VDAC1: variants seen among roughly 807,000 people sequenced by gnomAD.
VDAC1 encodes non-selective voltage-gated ion channel VDAC1.
Under a neutral mutation model 34.7 loss-of-function variants are expected in VDAC1, and 10 were observed. The ratio of observed to expected loss-of-function variants is 0.29; its 90% confidence interval spans 0.18 to 0.49. The LOEUF (loss-of-function observed/expected upper bound fraction) is 0.49. Among genes scored for constraint, VDAC1 ranks in the 20% least tolerant of loss-of-function variants. VDAC1 has a pLI of 0.99. For synonymous variants in VDAC1, 130 were observed against 136.0 expected, an observed-to-expected ratio of 0.96 and a Z score of 0.30; for missense variants, 230 against 347.9, an observed-to-expected ratio of 0.66 and a Z score of 2.69.
chr5:134,065,507 A>AT, the VDAC1 span, among the ~76,000 whole-genome samples: 1 of 151,354 alleles, frequency 6.6e-6, no homozygotes, highest in Non-Finnish European at 1.5e-5. Context: ...CACCCAGCCA[A>AT]TTTTTGTATT....
the VDAC1 span, among the ~76,000 whole-genome samples, chr5:134,039,551 G>T: frequency 4.6e-5 from 7 of 151,924 alleles, no homozygotes; most frequent in African/African-American, 1.7e-4. Flanking sequence ...GGATGGTCTC[G>T]ATCTGCTGAC....
intron 6 of VDAC1, among the ~76,000 whole-genome samples, chr5:133,977,318 A>G (rs1003808200): frequency 4.6e-5 from 7 of 152,222 alleles, no homozygotes; most frequent in Admixed American, 3.9e-4. Context: ...GCCTGGCAGG[A>G]TTTGAAAGGG....
intron 5 of VDAC1, among the ~76,000 whole-genome samples, chr5:133,986,895 T>C (rs1422263931): frequency 1.3e-5 from 2 of 152,164 alleles, no homozygotes; most frequent in East Asian, 1.9e-4. Context: ...CTGGGACAAC[T>C]TGAGCGACAA....
the VDAC1 span, among the ~76,000 whole-genome samples, chr5:134,064,006 T>G: frequency 2.7e-5 from 4 of 148,100 alleles, no homozygotes; most frequent in East Asian, 5.9e-4. Context: ...TTTTTTTTTT[T>G]TTTTTTTTTT....
chr5:134,016,084 T>TGGCCTCCAACTTTTAAAGGA, the VDAC1 span, among the ~76,000 whole-genome samples: 5 of 152,216 alleles, frequency 3.3e-5, no homozygotes, highest in Non-Finnish European at 4.4e-5. Context: ...CCCCCACACC[T>TGGCCTCCAACTTTTAAAGGA]GGCCTCCAAC....
the VDAC1 span, among the ~76,000 whole-genome samples, chr5:134,055,588 GTTTTTTTT>G: frequency 0.47 from 27,291 of 58,474 alleles, 5,007 homozygotes; most frequent in Admixed American, 0.52. Context: ...CCCCGCTAAT[GTTTTTTTT>G]TTTTTTTTTT....
chr5:134,024,520 C>A, the VDAC1 span, among the ~76,000 whole-genome samples: 1 of 147,700 alleles, frequency 6.8e-6, no homozygotes, highest in African/African-American at 2.5e-5. Context: ...GAGAGTGAGA[C>A]CCTGTCTCAA....
At chr5:133,981,014 G>A in intron 5 of VDAC1, 58 bp from the exon 6 acceptor site, 2 of 1,374,958 alleles carry the variant, frequency 1.5e-6, no homozygotes, top group Admixed American at 2.1e-5. Flanking sequence ...AATGCAAGTT[G>A]TCTTTTTTTT....
At chr5:134,082,233 C>T in the VDAC1 span, among the ~76,000 whole-genome samples, 2 of 152,188 alleles carry the variant, frequency 1.3e-5, no homozygotes, top group Non-Finnish European at 2.9e-5. Context: ...TTCCTTCCAC[C>T]CCAATCCTCA....
chr5:133,991,304 A>C, intron 3 of VDAC1, 150 bp from the exon 4 acceptor site: 1 of 996,128 alleles, frequency 1.0e-6, no homozygotes, highest in Non-Finnish European at 1.5e-6. Context: ...TAGATATTTA[A>C]AGTACAGATG....
At chr5:134,105,204 C>T in the VDAC1 span, among the ~76,000 whole-genome samples, 1 of 152,194 alleles carries the variant, frequency 6.6e-6, no homozygotes, top group Non-Finnish European at 1.5e-5. Context: ...TGGCTGATAA[C>T]ACCACCCCCA....
the VDAC1 span, among the ~76,000 whole-genome samples, chr5:134,098,014 C>T: frequency 5.0e-4 from 76 of 152,020 alleles, no homozygotes; most frequent in African/African-American, 1.6e-3. Flanking sequence ...GGATTACAGG[C>T]GCCTGCCAGC....
the VDAC1 span, among the ~76,000 whole-genome samples, chr5:134,036,962 A>C: frequency 4.0e-4 from 13 of 32,624 alleles, no homozygotes; most frequent in African/African-American, 1.7e-3. Context: ...CAAAAAAAAA[A>C]ACAAAAAAAC....
chr5:133,973,338 A>G (rs895533756), intron 8 of VDAC1, among the ~76,000 whole-genome samples: 1 of 152,222 alleles, frequency 6.6e-6, no homozygotes, highest in Non-Finnish European at 1.5e-5. Flanking sequence ...AGTAGCTGGT[A>G]GTCTTAGATT....
chr5:134,004,805 C>T (rs1753703750), intron 1 of VDAC1, 90 bp downstream of exon 1: 1 of 150,024 alleles, frequency 6.7e-6, no homozygotes, highest in Non-Finnish European at 1.5e-5. Context: ...CCTGCGCGCC[C>T]GGCCCGGCGC....
At chr5:134,101,420 T>C in the VDAC1 span, among the ~76,000 whole-genome samples, 12 of 152,088 alleles carry the variant, frequency 7.9e-5, no homozygotes, top group Non-Finnish European at 1.2e-4. Flanking sequence ...TGAAACCCCA[T>C]GTCTATTAAA....
At chr5:134,049,356 A>G in the VDAC1 span, among the ~76,000 whole-genome samples, 1 of 152,298 alleles carries the variant, frequency 6.6e-6, no homozygotes, top group African/African-American at 2.4e-5. Flanking sequence ...CGCTTCCTAA[A>G]GTGCTGGAAT....
upstream of VDAC1, among the ~76,000 whole-genome samples, chr5:134,005,951 C>T (rs1273637591): frequency 6.6e-6 from 1 of 152,170 alleles, no homozygotes; most frequent in Non-Finnish European, 1.5e-5. Context: ...CTATCTAAAG[C>T]AGTGGGCAAC....
the VDAC1 span, among the ~76,000 whole-genome samples, chr5:134,040,621 G>T: frequency 6.6e-6 from 1 of 152,136 alleles, no homozygotes; most frequent in African/African-American, 2.4e-5. Context: ...GCCTGTGGAG[G>T]CAGGCTGAGG....
Sources: allele counts gnomAD v4.1 joint callset (sites outside exome capture counted in the v4.1 genomes callset), GRCh38; gene constraint gnomAD v4.1.1; transcripts MANE v1.5; gene names NCBI Gene and HGNC (gene_info 2026-07-23, HGNC 2026-07-21).